The following RAD51C variants were observed in gnomAD, a reference collection of about 807,000 sequenced individuals.
The protein encoded by RAD51C is DNA repair protein RAD51 homolog 3.
A neutral mutation model predicts 45.0 loss-of-function variants in RAD51C; 42 were observed. The observed-to-expected ratio is 0.93, with a 90% confidence interval of 0.73 to 1.21. The LOEUF is 1.21. Ranked by LOEUF, RAD51C falls within the 50% of genes most tolerant of loss-of-function variation. The probability of loss-of-function intolerance (pLI) is 0.00; values close to 1 mark genes in which losing one functional copy is unlikely to be tolerated. For missense variants in RAD51C, 474 were observed against 452.2 expected (o/e 1.05, Z -0.44); for synonymous variants, 172 against 159.8 (o/e 1.08, Z -0.58).
At chr17:58,696,420 G>A (rs993503894) in intron 2 of RAD51C, among the ~76,000 whole-genome samples, 5 of 152,162 alleles carry the variant, frequency 3.3e-5, no homozygotes, top group Admixed American at 6.5e-5. Flanking sequence ...GCGACAGAGC[G>A]AGACTCCGTC....
chr17:58,698,922 CA>C (rs1287559201), intron 3 of RAD51C, among the ~76,000 whole-genome samples: 1,799 of 127,914 alleles, frequency 0.014, 40 homozygotes, highest in African/African-American at 0.047. Flanking sequence ...AACTCCTTCT[CA>C]AAAAAAAAAA....
chr17:58,713,494 C>A (rs1449982636), intron 5 of RAD51C, among the ~76,000 whole-genome samples: 1 of 151,994 alleles, frequency 6.6e-6, no homozygotes, highest in Non-Finnish European at 1.5e-5. Context: ...GCACACACCA[C>A]CACACCCAGC....
chr17:58,723,572 A>G (rs912080090), intron 6 of RAD51C, among the ~76,000 whole-genome samples: 1 of 152,092 alleles, frequency 6.6e-6, no homozygotes, highest in Non-Finnish European at 1.5e-5. Flanking sequence ...TTATATAAAT[A>G]GAATTATACT....
At chr17:58,727,943 A>T (rs2049232635) in intron 7 of RAD51C, among the ~76,000 whole-genome samples, 1 of 151,880 alleles carries the variant, frequency 6.6e-6, no homozygotes, top group Non-Finnish European at 1.5e-5. Flanking sequence ...TATTAAAAAA[A>T]AAAAAAAAGT....
chr17:58,707,647 A>ATAG (rs2048420122), intron 4 of RAD51C, among the ~76,000 whole-genome samples: 1 of 152,068 alleles, frequency 6.6e-6, no homozygotes, highest in South Asian at 2.1e-4. Context: ...GGTATTTGTT[A>ATAG]TAGTAGTACC....
chr17:58,703,931 AC>A (rs1567794872), intron 4 of RAD51C, among the ~76,000 whole-genome samples: 1 of 61,838 alleles, frequency 1.6e-5, no homozygotes, highest in Admixed American at 1.8e-4. Context: ...ATCATGTATC[AC>A]CTTTTTTTTT....
chr17:58,732,600 AAG>A lies in RAD51C; in HGVS notation c.1026+62_1026+63del, dbSNP rs1158272903. On this transcript the variant is annotated intron_variant, in intron 8 of 8. Transcript: ENST00000337432. ...GATATTGATGGGCGGTAATTATCTA[AAG>A]AGAGAATTTACAACTTGCTTCTGTC... 10 of 1,520,250 alleles carry A rather than the reference AAG, an allele frequency of 6.6e-6. No individual in the cohort carries two copies. The African/African-American group carries it at 1.1e-4, about 17-fold the overall frequency. The allele number at this position is 1,520,250 out of a possible 1,614,324, so 94.2% of individuals were successfully genotyped here.
At chr17:58,724,405 G>A (rs552414353) in intron 7 of RAD51C, among the ~76,000 whole-genome samples, 1 of 151,994 alleles carries the variant, frequency 6.6e-6, no homozygotes, top group South Asian at 2.1e-4. Context: ...CCATGTAGAA[G>A]GAGGTGAGTA....
At chr17:58,732,363 G>A in intron 7 of RAD51C, 121 bp from the exon 8 acceptor site, 1 of 809,340 alleles carries the variant, frequency 1.2e-6, no homozygotes. Flanking sequence ...TGTGTTCTTA[G>A]AGAAAAAATA....
chr17:58,709,932 G>C lies in RAD51C; in HGVS notation c.779G>C (p.Arg260Pro), dbSNP rs730881926. Residue 260 changes from arginine (R) to proline (P), a missense_variant, in exon 5 of 9, where the codon CGG (arginine) becomes CCG (proline). Coordinates refer to ENST00000337432, the MANE Select transcript of RAD51C (RefSeq NM_058216.3). ...CTAGATGACCTGTCTCTTCGTACTC[G>C]GTTATTAAATGGCCTAGCCCAGCAA... ...HDLDDLSLRT[R>P]LLNGLAQQMI... 5 of 1,612,358 alleles carry C rather than the reference G, an allele frequency of 3.1e-6. No individual in the cohort carries two copies. Among genetic ancestry groups the C allele is most frequent in the Non-Finnish European group, 3.4e-6 (4 of 1,178,642 alleles).
intron 1 of RAD51C, 44 bp downstream of exon 1, chr17:58,692,832 A>G (rs1462919433): frequency 2.5e-5 from 40 of 1,613,624 alleles, no homozygotes; most frequent in Non-Finnish European, 3.1e-5. Context: ...GGCCGCCGTC[A>G]GCGCCGCCTC....
chr17:58,704,814 G>A (rs1024777035), intron 4 of RAD51C, among the ~76,000 whole-genome samples: 6 of 152,160 alleles, frequency 3.9e-5, no homozygotes, highest in Non-Finnish European at 8.8e-5. Flanking sequence ...ATATGAGAAT[G>A]CCTATTACCC....
chr17:58,729,230 T>TTTTGAGATGGAGTTTCGC (rs2049301168), intron 7 of RAD51C, among the ~76,000 whole-genome samples: 2 of 152,180 alleles, frequency 1.3e-5, no homozygotes, highest in East Asian at 3.8e-4. Context: ...TTTGGTTTTG[T>TTTTGAGATGGAGTTTCGC]TTTTGAGATG....
At chr17:58,714,375 A>G (rs2143883171) in intron 5 of RAD51C, among the ~76,000 whole-genome samples, 1 of 152,300 alleles carries the variant, frequency 6.6e-6, no homozygotes, top group Non-Finnish European at 1.5e-5. Context: ...CTCAGAAACT[A>G]TGCTCCAAAG....
Position 58,724,080 on chromosome 17 carries a change from T to C in RAD51C, c.945T>C (p.Phe315=), listed in dbSNP as rs201235884. The C allele has an allele frequency of 2.3e-5, 37 of 1,613,102 alleles. No homozygotes were observed. In the East Asian group the frequency reaches 7.4e-4, roughly 32 times the overall value. ...ATGCTGCTACAATACGGCTAATCTT[T>C]CATTGGGACCGAAAGCAAAGGTCAG... The part of the protein sequence containing the change: ...WGHAATIRLI[F]HWDRKQRLAT... The change falls in exon 7 of 9, where the codon TTT becomes TTC. Residue 315 remains phenylalanine, a synonymous_variant. Coordinates refer to ENST00000337432, the MANE Select transcript of RAD51C (RefSeq NM_058216.3).
chr17:58,727,503 C>G (rs2049213121), intron 7 of RAD51C, among the ~76,000 whole-genome samples: 1 of 152,058 alleles, frequency 6.6e-6, no homozygotes, highest in South Asian at 2.1e-4. Context: ...GTGTTGATTG[C>G]CAGCCAATCT....
In RAD51C at chr17:58,709,962, T is replaced by A. The variant is rs2143854028; in HGVS notation, c.809T>A (p.Ile270Asn). The A allele has an allele frequency of 6.2e-7, 1 of 1,613,360 alleles. No homozygotes were observed. Among genetic ancestry groups the A allele is most frequent in the Non-Finnish European group, 8.5e-7 (1 of 1,179,364 alleles). Residue 270 changes from isoleucine (I) to asparagine (N), a missense_variant, in exon 5 of 9, where the codon ATC becomes AAC. Ile to Asn is a moderately radical substitution (Grantham distance 149). Coordinates refer to ENST00000337432, the MANE Select transcript of RAD51C (RefSeq NM_058216.3). The stretch of plus-strand genomic sequence containing the variant: ...TTAAATGGCCTAGCCCAGCAAATGA[T>A]CAGCCTTGCAAATAATCACAGATTA... ...RLLNGLAQQM[I>N]SLANNHRLAV...
chr17:58,709,650 A>G (rs988830476), intron 4 of RAD51C: 20 of 468,678 alleles, frequency 4.3e-5, no homozygotes, highest in African/African-American at 3.9e-4. Flanking sequence ...TATTTAGAGT[A>G]TTTGTTTCTT....
chr17:58,719,085 A>C (rs747219236), intron 5 of RAD51C, among the ~76,000 whole-genome samples: 4 of 152,156 alleles, frequency 2.6e-5, no homozygotes, highest in Non-Finnish European at 4.4e-5. Context: ...TTAGCCAGGC[A>C]TGGTGGCAGG....
Sources: gnomAD v4.1 joint callset for allele counts (sites outside exome capture counted in the v4.1 genomes callset) on GRCh38, gnomAD v4.1.1 for gene constraint, MANE v1.5 for transcripts, NCBI Gene and HGNC (gene_info 2026-07-23, HGNC 2026-07-21) for gene names.